Variants in KCND2 observed in about 807,000 individuals in gnomAD.
The protein encoded by KCND2 is potassium voltage-gated channel subfamily D member 2, also known as A-type voltage-gated potassium channel KCND2.
A neutral mutation model predicts 54.4 loss-of-function variants in KCND2; 16 were observed. That is an observed-to-expected ratio of 0.29 (90% confidence interval 0.20 to 0.45). The LOEUF (loss-of-function observed/expected upper bound fraction) is 0.45. KCND2 is among the 20% of genes least tolerant of loss of function. The probability of loss-of-function intolerance (pLI) is 1.00; values close to 1 mark genes in which losing one functional copy is unlikely to be tolerated. For missense variants in KCND2, 486 were observed against 824.2 expected (o/e 0.59, Z 5.02); for synonymous variants, 317 against 310.7 (o/e 1.02, Z -0.21).
At chr7:120,584,683 A>G (rs1050978410) in intron 1 of KCND2, among the ~76,000 whole-genome samples, 4 of 152,228 alleles carry the variant, frequency 2.6e-5, no homozygotes, top group East Asian at 1.9e-4. Context: ...TCCTAAATAC[A>G]TGGACCCACT....
intron 1 of KCND2, among the ~76,000 whole-genome samples, chr7:120,610,358 T>G (rs1792937178): frequency 6.6e-6 from 1 of 152,138 alleles, no homozygotes; most frequent in East Asian, 1.9e-4. Flanking sequence ...CAGATATTTC[T>G]CCTCCATAAC....
At chr7:120,630,523 T>G (rs1793220672) in intron 1 of KCND2, among the ~76,000 whole-genome samples, 1 of 151,098 alleles carries the variant, frequency 6.6e-6, no homozygotes, top group African/African-American at 2.5e-5. Context: ...ATGTTCGGAT[T>G]TTTTATATTT....
chr7:120,572,378 G>T (rs969072532), intron 1 of KCND2, among the ~76,000 whole-genome samples: 6 of 151,934 alleles, frequency 3.9e-5, no homozygotes, highest in Non-Finnish European at 1.5e-5. Context: ...ACAATGCAGA[G>T]GTGTATGGTT....
At chr7:120,420,430 G>T (rs1042504839) in intron 1 of KCND2, among the ~76,000 whole-genome samples, 4 of 152,134 alleles carry the variant, frequency 2.6e-5, no homozygotes, top group Non-Finnish European at 2.9e-5. Context: ...ATGATAATAG[G>T]TCTTGATAGA....
At chr7:120,474,520 CT>C (rs746574292) in intron 1 of KCND2, among the ~76,000 whole-genome samples, 6,450 of 140,692 alleles carry the variant, frequency 0.046, 153 homozygotes, top group African/African-American at 0.062. Context: ...TTTTTCTTTA[CT>C]TTTTTTTTTT....
intron 1 of KCND2, among the ~76,000 whole-genome samples, chr7:120,533,272 A>G (rs1201133242): frequency 6.6e-6 from 1 of 152,108 alleles, no homozygotes; most frequent in African/African-American, 2.4e-5. Context: ...ATCTTTAGAC[A>G]TGGTGTACAT....
intron 1 of KCND2, among the ~76,000 whole-genome samples, chr7:120,378,158 T>A (rs1046220824): frequency 6.6e-6 from 1 of 152,094 alleles, no homozygotes; most frequent in East Asian, 1.9e-4. Context: ...TTTGTGTGTG[T>A]GTGTAATCTT....
At chr7:120,618,162 A>G (rs925679538) in intron 1 of KCND2, among the ~76,000 whole-genome samples, 11 of 152,224 alleles carry the variant, frequency 7.2e-5, no homozygotes, top group Non-Finnish European at 1.6e-4. Context: ...AACCAAAAAT[A>G]AAAGTTGAAA....
At chr7:120,476,230 A>G (rs935075481) in intron 1 of KCND2, among the ~76,000 whole-genome samples, 14 of 152,148 alleles carry the variant, frequency 9.2e-5, no homozygotes, top group African/African-American at 3.4e-4. Context: ...TCAACCTTTC[A>G]ATACCTTTTC....
chr7:120,285,443 T>C (rs1277347570), intron 1 of KCND2, among the ~76,000 whole-genome samples: 1 of 152,020 alleles, frequency 6.6e-6, no homozygotes. Flanking sequence ...TTGTCTATTT[T>C]ATTAGAACAT....
At chr7:120,621,516 G>T (rs1222457846) in intron 1 of KCND2, among the ~76,000 whole-genome samples, 3 of 151,978 alleles carry the variant, frequency 2.0e-5, no homozygotes, top group African/African-American at 7.3e-5. Flanking sequence ...ATAAATATTT[G>T]AGTTATCATG....
At chr7:120,627,941 C>T (rs956689404) in intron 1 of KCND2, among the ~76,000 whole-genome samples, 3 of 151,820 alleles carry the variant, frequency 2.0e-5, no homozygotes, top group Non-Finnish European at 2.9e-5. Context: ...CTTGGCTGGG[C>T]GGGCCTTAAG....
chr7:120,530,353 C>T (rs554206420), intron 1 of KCND2, among the ~76,000 whole-genome samples: 1 of 152,300 alleles, frequency 6.6e-6, no homozygotes, highest in Non-Finnish European at 1.5e-5. Flanking sequence ...ACTAAATCCA[C>T]TATGCAATAC....
At chr7:120,372,547 T>G (rs1800779472) in intron 1 of KCND2, among the ~76,000 whole-genome samples, 1 of 151,928 alleles carries the variant, frequency 6.6e-6, no homozygotes, top group African/African-American at 2.4e-5. Context: ...GACAAAAACA[T>G]TCTCATAGTT....
At chr7:120,689,084 A>G (rs1280210462) in intron 1 of KCND2, among the ~76,000 whole-genome samples, 3 of 152,144 alleles carry the variant, frequency 2.0e-5, no homozygotes, top group Non-Finnish European at 4.4e-5. Context: ...TATAATACAC[A>G]CAGAGTGTCA....
chr7:120,575,410 T>G (rs1011363243), intron 1 of KCND2, among the ~76,000 whole-genome samples: 2 of 152,134 alleles, frequency 1.3e-5, no homozygotes, highest in African/African-American at 4.8e-5. Flanking sequence ...TCAGCCAGTC[T>G]AATCCTTCCA....
rs546068153 is a variant in KCND2 at position 120,452,429 on chromosome 7, C to T, written c.1115+176682C>T. Among the ~76,000 whole-genome samples, 5 of 152,226 alleles carry T rather than the reference C, an allele frequency of 3.3e-5. No homozygotes were observed. The East Asian group carries it at 9.7e-4, about 29-fold the overall frequency. ...ATGTGATGCTGAGGGACTGGAACATCAGGTAGACTGGCAGATTCCAAGCAG... is the reference window on the plus strand; with the variant it reads ...ATGTGATGCTGAGGGACTGGAACATTAGGTAGACTGGCAGATTCCAAGCAG... On this transcript the variant is annotated intron_variant, in intron 1 of 5. Transcript: ENST00000331113.
intron 1 of KCND2, among the ~76,000 whole-genome samples, chr7:120,707,833 C>T (rs1002400742): frequency 2.6e-5 from 4 of 151,928 alleles, no homozygotes; most frequent in Non-Finnish European, 2.9e-5. Flanking sequence ...ATAAGGTAGG[C>T]GAAGTGACAG....
chr7:120,279,024 TA>T (rs1420396368), intron 1 of KCND2, among the ~76,000 whole-genome samples: 2 of 151,908 alleles, frequency 1.3e-5, no homozygotes, highest in African/African-American at 4.8e-5. Context: ...TTAACTGCCT[TA>T]TTAGAAAAAG....
Sources: allele counts gnomAD v4.1 joint callset (sites outside exome capture counted in the v4.1 genomes callset), GRCh38; gene constraint gnomAD v4.1.1; transcripts MANE v1.5; gene names NCBI Gene and HGNC (gene_info 2026-07-23, HGNC 2026-07-21).